Variants in IPMK observed in about 807,000 individuals in gnomAD.
The protein encoded by IPMK is inositol polyphosphate multikinase.
A neutral mutation model predicts 45.8 loss-of-function variants in IPMK; 17 were observed. The observed-to-expected ratio is 0.37, with a 90% CI of 0.25 to 0.56. The LOEUF (loss-of-function observed/expected upper bound fraction) is 0.56, where lower values mean the gene tolerates loss of function less well. Among genes scored for constraint, IPMK ranks in the 20% least tolerant of loss-of-function variants. The probability of loss-of-function intolerance (pLI) is 0.79; values close to 1 mark genes in which losing one functional copy is unlikely to be tolerated. For synonymous variants in IPMK, 180 were observed against 184.3 expected (o/e 0.98, Z 0.19); for missense variants, 399 against 498.0 (o/e 0.80, Z 1.89).
At chr10:58,211,189 G>A (rs1166107817) in intron 4 of IPMK, among the ~76,000 whole-genome samples, 9 of 125,522 alleles carry the variant, frequency 7.2e-5, no homozygotes, top group East Asian at 2.5e-4. Flanking sequence ...GTGATTACCC[G>A]GTTTTTTTTT....
At chr10:58,245,133 G>T (rs1188207031) in intron 1 of IPMK, among the ~76,000 whole-genome samples, 5 of 151,496 alleles carry the variant, frequency 3.3e-5, no homozygotes, top group Non-Finnish European at 5.9e-5. Context: ...CTAAAGCATG[G>T]ATAAAACTTA....
At chr10:58,259,681 A>AAAAAAAAAAAAAAAAAAC (rs1554825707) in intron 1 of IPMK, among the ~76,000 whole-genome samples, 1 of 149,376 alleles carries the variant, frequency 6.7e-6, no homozygotes, top group African/African-American at 2.5e-5. Context: ...TAAAAAAAAA[A>AAAAAAAAAAAAAAAAAAC]AAAAAACAAT....
At chr10:58,219,005 T>C (rs1311987934) in intron 3 of IPMK, among the ~76,000 whole-genome samples, 2 of 152,206 alleles carry the variant, frequency 1.3e-5, no homozygotes, top group South Asian at 2.1e-4. Context: ...ATGAATATCA[T>C]GGGTTTTATT....
At chr10:58,261,054 T>C (rs541955450) in intron 1 of IPMK, among the ~76,000 whole-genome samples, 8 of 136,832 alleles carry the variant, frequency 5.8e-5, no homozygotes, top group African/African-American at 2.2e-4. Flanking sequence ...CCAATGAAAA[T>C]AAAAGGCCAA....
Position 58,205,889 on chromosome 10 carries a change from CTT to C in IPMK, c.547-6570_547-6569del, listed in dbSNP as rs560019523. Among the ~76,000 whole-genome samples, 130 of 152,264 alleles carry C rather than the reference CTT, an allele frequency of 8.5e-4. 1 individual carries two copies. The highest frequency in any genetic ancestry group is 3.1e-3 in the African/African-American group (128 of 41,556). Reference sequence around the variant, plus strand: ...ATGGTAAAGTCACTTTGGAAAAACACTTTGGCAGTTTCTCAAAAAGTTAAACA... The same window carrying C: ...ATGGTAAAGTCACTTTGGAAAAACACTGGCAGTTTCTCAAAAAGTTAAACA... On this transcript the variant is annotated intron_variant, in intron 4 of 5. Coordinates refer to ENST00000373935, the MANE Select transcript of IPMK (RefSeq NM_152230.5).
chr10:58,230,907 C>T (rs145098274), intron 2 of IPMK, among the ~76,000 whole-genome samples: 9,239 of 152,106 alleles, frequency 0.061, 333 homozygotes, highest in African/African-American at 0.087. Flanking sequence ...TCGAACCCAT[C>T]GTAAGGAAGC....
At chr10:58,261,913 T>A (rs1394154211) in intron 1 of IPMK, among the ~76,000 whole-genome samples, 2 of 152,164 alleles carry the variant, frequency 1.3e-5, no homozygotes, top group African/African-American at 4.8e-5. Flanking sequence ...GAAAATCTCA[T>A]CCTGAATTCA....
rs1238707217 is a variant in IPMK at position 58,192,554 on chromosome 10, A to T, written c.*3522T>A. The T allele has an allele frequency of 1.3e-5, 2 of 152,010 alleles. No individual in the cohort carries two copies. Among genetic ancestry groups the T allele is most frequent in the Middle Eastern group, 3.4e-3 (1 of 292 alleles). The allele number at this position is 152,010 out of a possible 1,614,324, so 9.4% of individuals were successfully genotyped here. A position where few individuals can be genotyped will look rare whatever the true frequency, so the allele number is the denominator to read the frequency against. On this transcript the variant is annotated 3_prime_UTR_variant, in exon 6 of 6. Coordinates refer to ENST00000373935, the MANE Select transcript of IPMK (RefSeq NM_152230.5). The stretch of plus-strand genomic sequence containing the variant: ...CACTTATTATCTTATTTAGATGCCT[A>T]TTTTTCTATATCTCTATTTTAATTA...
intron 2 of IPMK, among the ~76,000 whole-genome samples, chr10:58,236,703 A>C (rs906332025): frequency 6.6e-6 from 1 of 152,154 alleles, no homozygotes; most frequent in Admixed American, 6.6e-5. Flanking sequence ...CCAGGAGTTC[A>C]AGACCAGCCT....
intron 1 of IPMK, among the ~76,000 whole-genome samples, chr10:58,244,354 C>CT (rs1838758198): frequency 6.7e-6 from 1 of 150,200 alleles, no homozygotes; most frequent in Non-Finnish European, 1.5e-5. Flanking sequence ...TGCCCGGCCG[C>CT]CCCCTCTGGG....
At chr10:58,212,655 T>A (rs2153282) in intron 4 of IPMK, 71,988 of 237,132 alleles carry the variant, frequency 0.3, 13,710 homozygotes, top group African/African-American at 0.61. Context: ...AAAGAACTAG[T>A]AGCTTTTGCA....
chr10:58,211,919 A>AAT (rs1554823052), intron 4 of IPMK, among the ~76,000 whole-genome samples: 36 of 148,286 alleles, frequency 2.4e-4, no homozygotes, highest in African/African-American at 9.4e-4. Flanking sequence ...AAAAAAAAAA[A>AAT]AAAAAATTTG....
intron 1 of IPMK, among the ~76,000 whole-genome samples, chr10:58,250,934 TAC>T (rs1217025818): frequency 1.3e-5 from 2 of 152,228 alleles, no homozygotes; most frequent in African/African-American, 4.8e-5. Context: ...GAAATAATTA[TAC>T]AGTCTCTGTT....
chr10:58,234,133 G>C (rs1257213673), intron 2 of IPMK, among the ~76,000 whole-genome samples: 1 of 152,076 alleles, frequency 6.6e-6, no homozygotes, highest in Non-Finnish European at 1.5e-5. Flanking sequence ...TCTTCAAGGA[G>C]AACTACAAAC....
chr10:58,239,668 G>A (rs1197038869), intron 1 of IPMK, among the ~76,000 whole-genome samples: 3 of 152,112 alleles, frequency 2.0e-5, no homozygotes, highest in Admixed American at 6.5e-5. Flanking sequence ...AACCCCTCAC[G>A]TTTGAGAAGA....
At chr10:58,237,967 C>T (rs1489060702) in intron 1 of IPMK, among the ~76,000 whole-genome samples, 153 bp from the exon 2 acceptor site, 1 of 152,200 alleles carries the variant, frequency 6.6e-6, no homozygotes, top group Non-Finnish European at 1.5e-5. Context: ...ATTCAACCAA[C>T]ATGTTTCAGT....
At chr10:58,222,425 T>C (rs1001575039) in intron 3 of IPMK, among the ~76,000 whole-genome samples, 3 of 152,218 alleles carry the variant, frequency 2.0e-5, no homozygotes, top group Non-Finnish European at 4.4e-5. Context: ...TAACTAGATT[T>C]ACTTTTATAA....
At chr10:58,259,678 A>AAAAAAAAAAAAAAAAAAAAAAAAC (rs984861270) in intron 1 of IPMK, among the ~76,000 whole-genome samples, 3 of 144,580 alleles carry the variant, frequency 2.1e-5, no homozygotes, top group African/African-American at 8.0e-5. Flanking sequence ...ACATAAAAAA[A>AAAAAAAAAAAAAAAAAAAAAAAAC]AAAAAAAAAC....
intron 1 of IPMK, among the ~76,000 whole-genome samples, chr10:58,252,055 T>G (rs1041345691): frequency 2.6e-5 from 4 of 152,328 alleles, no homozygotes; most frequent in African/African-American, 9.6e-5. Context: ...TTTTCTTCCT[T>G]TTTTCCACTT....
Sources: allele counts gnomAD v4.1 joint callset (sites outside exome capture counted in the v4.1 genomes callset), GRCh38; gene constraint gnomAD v4.1.1; transcripts MANE v1.5; gene names NCBI Gene and HGNC (gene_info 2026-07-23, HGNC 2026-07-21).